The following DOCK4 variants were observed in gnomAD, a reference collection of about 807,000 sequenced individuals.
The protein encoded by DOCK4 is dedicator of cytokinesis protein 4.
DOCK4 carries 97 observed loss-of-function variants against 268.1 expected under a neutral mutation model. That is an observed-to-expected ratio of 0.36 (90% confidence interval 0.31 to 0.43). The LOEUF (loss-of-function observed/expected upper bound fraction) is 0.43, where lower values mean the gene tolerates loss of function less well. Among genes scored for constraint, DOCK4 ranks in the 20% least tolerant of loss-of-function variants. The pLI is 1.00. For missense variants in DOCK4, 2,145 were observed against 2,455.7 expected (o/e 0.87, Z 2.67); for synonymous variants, 954 against 887.2 (o/e 1.08, Z -1.34).
At chr7:111,751,770 A>T (rs190047251) in intron 42 of DOCK4, among the ~76,000 whole-genome samples, 9,884 of 149,698 alleles carry the variant, frequency 0.066, 429 homozygotes, top group African/African-American at 0.12. Flanking sequence ...TTTTTTTTTT[A>T]AAAAAGAGGG....
At chr7:111,750,125 C>G (rs1274936561) in intron 42 of DOCK4, among the ~76,000 whole-genome samples, 1 of 152,136 alleles carries the variant, frequency 6.6e-6, no homozygotes, top group African/African-American at 2.4e-5. Context: ...AGGTCTGGGG[C>G]AGGAGATGTT....
chr7:112,074,626 GT>G (rs1179721588), intron 1 of DOCK4, among the ~76,000 whole-genome samples: 5 of 152,192 alleles, frequency 3.3e-5, no homozygotes, highest in African/African-American at 7.2e-5. Context: ...CCTCTTGTCT[GT>G]CTGTGGTTCC....
intron 16 of DOCK4, among the ~76,000 whole-genome samples, chr7:111,886,666 C>T (rs58714546): frequency 0.17 from 25,133 of 152,086 alleles, 2,174 homozygotes; most frequent in Non-Finnish European, 0.18. Context: ...AATAAAAACA[C>T]ACGTATGAGA....
intron 15 of DOCK4, 137 bp from the exon 16 acceptor site, chr7:111,895,855 G>C (rs776326610): frequency 1.1e-4 from 86 of 765,448 alleles, no homozygotes; most frequent in Non-Finnish European, 1.7e-4. Flanking sequence ...TTTTCTGATA[G>C]GCCATCTATA....
chr7:111,871,618 T>C (rs1806436331), intron 20 of DOCK4, among the ~76,000 whole-genome samples: 1 of 152,196 alleles, frequency 6.6e-6, no homozygotes, highest in Non-Finnish European at 1.5e-5. Flanking sequence ...TGTTTTCCAT[T>C]CATATTTCTT....
At position 111,728,256 on chromosome 7, in the gene DOCK4, G is replaced by C; in HGVS notation, c.*18C>G. Reference sequence around the variant, plus strand: ...GTAAACGGGCAAAGAATGCATCGCAGGTACATAGAAAAGTGACTTATAACT... The same window carrying C: ...GTAAACGGGCAAAGAATGCATCGCACGTACATAGAAAAGTGACTTATAACT... On this transcript the variant is annotated 3_prime_UTR_variant, in exon 53 of 53. Coordinates refer to ENST00000428084, the MANE Select transcript of DOCK4 (RefSeq NM_001363540.2). 2 of 1,463,218 alleles carry C rather than the reference G, an allele frequency of 1.4e-6. No homozygotes were observed. The highest frequency in any genetic ancestry group is 1.8e-6 in the Non-Finnish European group (2 of 1,105,650). The allele number at this position is 1,463,218 out of a possible 1,614,324, so 90.6% of individuals were successfully genotyped here.
At chr7:112,063,836 T>C (rs1369978179) in intron 1 of DOCK4, among the ~76,000 whole-genome samples, 3 of 152,202 alleles carry the variant, frequency 2.0e-5, no homozygotes, top group Non-Finnish European at 4.4e-5. Context: ...ACATGTAAAA[T>C]GTGAGCACAT....
intron 8 of DOCK4, chr7:111,972,058 G>T: frequency 6.5e-6 from 1 of 154,808 alleles, no homozygotes. Context: ...TTTTGAGAAG[G>T]ACTCAATTTA....
chr7:112,199,583 C>A (rs1276012795), intron 1 of DOCK4, among the ~76,000 whole-genome samples: 1 of 152,056 alleles, frequency 6.6e-6, no homozygotes, highest in Non-Finnish European at 1.5e-5. Flanking sequence ...AACTTTAATT[C>A]CTTATTTTTT....
Position 111,868,041 on chromosome 7 carries a change from T to C in DOCK4, c.2223A>G (p.Ser741=), listed in dbSNP as rs1271916187. ...TCTCTTGCGAAAGAAAGAAACGGAC[T>C]GACATGAGAAGCTCCTGAATGCAGC... ...FRCCIQELLM[S]VRFFLSQESK... The change falls in exon 22 of 53, where the codon TCA becomes TCG. Residue 741 remains serine (S), a synonymous_variant. Transcript: ENST00000428084. 6.2e-7 allele frequency: 1 copy of C among 1,613,136 alleles called. No homozygotes were observed. The highest frequency in any genetic ancestry group is 1.1e-5 in the South Asian group (1 of 90,826).
At chr7:111,983,372 TCTA>T (rs751291169) in intron 7 of DOCK4, among the ~76,000 whole-genome samples, 21 of 151,808 alleles carry the variant, frequency 1.4e-4, no homozygotes, top group Admixed American at 2.6e-4. Context: ...CAAAAAGGAG[TCTA>T]CTATTTCCAA....
At chr7:111,941,456 C>G (rs529267079) in intron 10 of DOCK4, among the ~76,000 whole-genome samples, 1 of 152,044 alleles carries the variant, frequency 6.6e-6, no homozygotes, top group Non-Finnish European at 1.5e-5. Flanking sequence ...CAATTTATGT[C>G]TATTTTGAAT....
intron 1 of DOCK4, among the ~76,000 whole-genome samples, chr7:112,049,827 C>T (rs1805185221): frequency 6.6e-6 from 1 of 152,146 alleles, no homozygotes; most frequent in Admixed American, 6.5e-5. Flanking sequence ...TACCTAAAAA[C>T]AGAGCTGAAA....
intron 1 of DOCK4, among the ~76,000 whole-genome samples, chr7:112,097,243 T>C (rs898716205): frequency 1.3e-5 from 2 of 152,174 alleles, no homozygotes; most frequent in African/African-American, 2.4e-5. Context: ...TCTGAACATA[T>C]GAAAGTTTAA....
At chr7:111,848,990 T>C (rs1000447638) in intron 23 of DOCK4, among the ~76,000 whole-genome samples, 3 of 152,188 alleles carry the variant, frequency 2.0e-5, no homozygotes, top group African/African-American at 7.2e-5. Flanking sequence ...TTCATCCAGA[T>C]AAAGGACTTC....
Position 111,915,791 on chromosome 7 carries a change from T to C in DOCK4, c.1180A>G (p.Ile394Val). 1 of 1,613,298 alleles carries C rather than the reference T, an allele frequency of 6.2e-7. No individual in the cohort carries two copies. The highest frequency in any genetic ancestry group is 8.5e-7 in the Non-Finnish European group (1 of 1,179,644). The change falls in exon 13 of 53, where the codon ATT becomes GTT. Residue 394 changes from isoleucine (I) to valine (V), a missense_variant. Around this residue, in one of 2 missense-constraint regions of DOCK4, gnomAD observed 1,598 missense variants for 1,986.7 expected, o/e 0.80. Coordinates refer to ENST00000428084, the MANE Select transcript of DOCK4 (RefSeq NM_001363540.2). ...SITRKLGFSN[I>V]IMPGEMRNDL... The stretch of plus-strand genomic sequence containing the variant: ...CCAAGTCACCTACCAGGCATAATAA[T>C]ATTTGAAAATCCCAGCTTCCTTGTT...
chr7:111,887,086 C>T (rs1291235802), intron 16 of DOCK4, among the ~76,000 whole-genome samples: 1 of 152,206 alleles, frequency 6.6e-6, no homozygotes, highest in African/African-American at 2.4e-5. Context: ...ATACTCACCT[C>T]TGGTTTAAAT....
chr7:111,769,117 A>G (rs918556266), intron 37 of DOCK4, among the ~76,000 whole-genome samples: 3 of 152,170 alleles, frequency 2.0e-5, no homozygotes, highest in Admixed American at 6.5e-5. Flanking sequence ...AATGTGAAAA[A>G]TAAATTTCTG....
At chr7:111,954,515 T>C (rs931217565) in intron 8 of DOCK4, among the ~76,000 whole-genome samples, 12 of 151,974 alleles carry the variant, frequency 7.9e-5, no homozygotes, top group Non-Finnish European at 1.5e-4. Context: ...CCTGAAAGCT[T>C]AAGGGAATGA....
Sources: allele counts gnomAD v4.1 joint callset (sites outside exome capture counted in the v4.1 genomes callset), GRCh38; gene constraint gnomAD v4.1.1; regional missense constraint gnomAD v4.1.1; transcripts MANE v1.5; gene names NCBI Gene and HGNC (gene_info 2026-07-23, HGNC 2026-07-21).